GFPT2: variants seen among roughly 807,000 people sequenced by gnomAD.
GFPT2 encodes glutamine--fructose-6-phosphate aminotransferase [isomerizing] 2.
Under a neutral mutation model 85.6 loss-of-function variants are expected in GFPT2, and 62 were observed. The ratio of observed to expected loss-of-function variants is 0.72; its 90% CI spans 0.59 to 0.90. The LOEUF is 0.90. Ranked by LOEUF, GFPT2 falls within the 40% of genes least tolerant of loss-of-function variation. GFPT2 has a pLI of 0.00. For synonymous variants in GFPT2, 368 were observed against 344.5 expected (o/e 1.07, Z -0.75); for missense variants, 788 against 893.4 (o/e 0.88, Z 1.50).
intron 2 of GFPT2, among the ~76,000 whole-genome samples, chr5:180,337,629 A>G (rs762448947): frequency 1.3e-4 from 20 of 152,166 alleles, no homozygotes; most frequent in Non-Finnish European, 2.9e-4. Context: ...GAAGGGTCCC[A>G]AAGACTGATG....
intron 15 of GFPT2, among the ~76,000 whole-genome samples, chr5:180,308,235 A>G (rs192998832): frequency 1.6e-4 from 24 of 152,026 alleles, no homozygotes; most frequent in African/African-American, 3.4e-4. Flanking sequence ...CAGCCTGGGC[A>G]ACAGAGCGAG....
intron 9 of GFPT2, among the ~76,000 whole-genome samples, chr5:180,321,879 G>A (rs1764129482): frequency 6.6e-6 from 1 of 152,208 alleles, no homozygotes; most frequent in Non-Finnish European, 1.5e-5. Context: ...CGCCTCCCGG[G>A]TTCACGCCAT....
intron 1 of GFPT2, among the ~76,000 whole-genome samples, chr5:180,342,055 T>C (rs1412397392): frequency 6.6e-6 from 1 of 152,160 alleles, no homozygotes; most frequent in East Asian, 1.9e-4. Flanking sequence ...ATAAGTCTCA[T>C]GAGATCGGAT....
At chr5:180,322,471 A>T (rs963725197) in intron 9 of GFPT2, among the ~76,000 whole-genome samples, 2 of 152,108 alleles carry the variant, frequency 1.3e-5, no homozygotes, top group African/African-American at 4.8e-5. Flanking sequence ...TGTGGTGAAT[A>T]GTATTGCTTT....
chr5:180,336,334 G>C (rs561895506), intron 3 of GFPT2, 145 bp downstream of exon 3: 1 of 696,210 alleles, frequency 1.4e-6, no homozygotes, highest in Non-Finnish European at 2.6e-6. Context: ...TGCGAAGCCC[G>C]GTTTTACAGC....
intron 9 of GFPT2, among the ~76,000 whole-genome samples, chr5:180,322,894 G>T: frequency 6.6e-6 from 1 of 151,912 alleles, no homozygotes. Flanking sequence ...AAATTAGCCG[G>T]GCGTGGTGGC....
rs2127652125 is a variant in GFPT2, at chr5:180,323,798, G to T, written c.794+390C>A. On this transcript the variant is annotated intron_variant, in intron 9 of 18. Coordinates refer to ENST00000253778, the MANE Select transcript of GFPT2 (RefSeq NM_005110.4). The surrounding 1 kb of genome is among the most constrained non-coding windows in gnomAD (Gnocchi z 4.0). ...ATCTAAAGGGGGCAGCCTTTGAGCA[G>T]ATCCAGACACCTGCCACCTGAGAGA... Among the ~76,000 whole-genome samples the T allele has an allele frequency of 6.6e-6, 1 of 152,356 alleles. No individual in the cohort carries two copies. The highest frequency in any genetic ancestry group is 2.4e-5 in the African/African-American group (1 of 41,584).
chr5:180,350,731 C>CA lies in GFPT2; in HGVS notation c.7+2479dup, dbSNP rs1764696490. ...TCAGATGTCAATAAAACCAAAGTGT[C>CA]ATTTCAGCTAAATTCTCAGTGCACT... is the stretch of plus-strand genomic sequence containing the variant. On this transcript the variant is annotated intron_variant, in intron 1 of 18. Coordinates refer to ENST00000253778, the MANE Select transcript of GFPT2 (RefSeq NM_005110.4). 4.1e-4 allele frequency among the ~76,000 whole-genome samples: 62 copies of CA among 152,354 alleles called. No homozygotes were observed. The South Asian group carries it at 0.013, about 31-fold the overall frequency.
intron 17 of GFPT2, among the ~76,000 whole-genome samples, chr5:180,304,477 C>G (rs1218430099): frequency 6.6e-6 from 1 of 152,194 alleles, no homozygotes; most frequent in African/African-American, 2.4e-5. Context: ...CTGGGGAAAC[C>G]CTGCCCCAGG....
At chr5:180,337,638 T>TG (rs1027146665) in intron 2 of GFPT2, among the ~76,000 whole-genome samples, 4 of 152,050 alleles carry the variant, frequency 2.6e-5, no homozygotes, top group Non-Finnish European at 4.4e-5. Context: ...CAAAGACTGA[T>TG]GGGGGCTCCT....
chr5:180,308,192 C>G (rs571593951), intron 15 of GFPT2, among the ~76,000 whole-genome samples: 9 of 151,546 alleles, frequency 5.9e-5, no homozygotes, highest in African/African-American at 2.2e-4. Context: ...GGAGGCGGAG[C>G]TTGCAGTGAG....
chr5:180,338,662 G>A lies in GFPT2; in HGVS notation c.8-62C>T, dbSNP rs182519984. 183 of 987,830 alleles carry A rather than the reference G, an allele frequency of 1.9e-4. 1 individual carries two copies. In the East Asian group the frequency reaches 4.5e-3, roughly 24 times the overall value. The allele number at this position is 987,830 out of a possible 1,614,324, so 61.2% of individuals were successfully genotyped here. On this transcript the variant is annotated intron_variant, in intron 1 of 18. Coordinates refer to ENST00000253778, the MANE Select transcript of GFPT2 (RefSeq NM_005110.4). ...ACTCAGCTCGTGTTTGGAAGAAAAC[G>A]CTTCTGGGGGATGCACCGAGGTGGC...
At chr5:180,327,331 G>T (rs1008329751) in intron 7 of GFPT2, among the ~76,000 whole-genome samples, 18 of 152,218 alleles carry the variant, frequency 1.2e-4, no homozygotes, top group African/African-American at 4.3e-4. Flanking sequence ...GCAGGTGTCA[G>T]TAAACACACA....
chr5:180,312,463 G>C lies in GFPT2; in HGVS notation c.1513C>G (p.Gln505Glu). 6.2e-7 allele frequency: 1 copy of C among 1,606,338 alleles called. No homozygotes were observed. The highest frequency in any genetic ancestry group is 8.5e-7 in the Non-Finnish European group (1 of 1,172,874). The change falls in exon 15 of 19, where the codon CAA becomes GAA. Residue 505 changes from glutamine (Q) to glutamate (E), a missense_variant. Gln to Glu is a conservative substitution (Grantham distance 29). Transcript: ENST00000253778. Reference sequence around the variant, plus strand: ...GATCTCAAGCCACGGATGATCTCTTGCCTCCTGTTTTGTAGTGAAATTCGG... The same window carrying C: ...GATCTCAAGCCACGGATGATCTCTTCCCTCCTGTTTTGTAGTGAAATTCGG... ...EDRISLQNRR[Q>E]EIIRGLRSLP...
In GFPT2 at chr5:180,335,959, T is replaced by A. The variant is rs1389878914; in HGVS notation, c.215-6A>T. 1 of 1,560,258 alleles carries A rather than the reference T, an allele frequency of 6.4e-7. No homozygotes were observed. Among genetic ancestry groups the A allele is most frequent in the East Asian group, 2.4e-5 (1 of 41,870 alleles). On this transcript the variant is annotated splice_polypyrimidine_tract_variant and splice_region_variant and intron_variant, in intron 3 of 18. Coordinates refer to ENST00000253778, the MANE Select transcript of GFPT2 (RefSeq NM_005110.4). ...TAAGTCCATGCTGTCTTGTTCTAAA[T>A]GAAAGGAAAATCAGTTTGCCGCACT... is the stretch of plus-strand genomic sequence containing the variant.
intron 8 of GFPT2, 77 bp downstream of exon 8, chr5:180,324,739 G>A: frequency 2.1e-6 from 2 of 941,732 alleles, no homozygotes; most frequent in Non-Finnish European, 1.8e-6. Flanking sequence ...TCAGAGGGGA[G>A]CTGACTGTGC....
chr5:180,308,145 A>C (rs1373301946), intron 15 of GFPT2, among the ~76,000 whole-genome samples: 1 of 151,942 alleles, frequency 6.6e-6, no homozygotes, highest in Non-Finnish European at 1.5e-5. Flanking sequence ...AGTCCCAGCT[A>C]CTCGGGAGGC....
chr5:180,322,400 C>A (rs1353536237), intron 9 of GFPT2, among the ~76,000 whole-genome samples: 3 of 151,934 alleles, frequency 2.0e-5, no homozygotes, highest in Non-Finnish European at 2.9e-5. Context: ...CTGTAGACTT[C>A]TCCAAATATG....
chr5:180,316,586 C>G, intron 12 of GFPT2, 125 bp from the exon 13 acceptor site: 1 of 1,096,640 alleles, frequency 9.1e-7, no homozygotes, highest in Non-Finnish European at 1.4e-6. Flanking sequence ...GAGGGGACTT[C>G]GGTCACCCAC....
Sources: gnomAD v4.1 joint callset for allele counts (sites outside exome capture counted in the v4.1 genomes callset) on GRCh38, gnomAD v4.1.1 for gene constraint, Gnocchi (gnomAD v3.1) non-coding constraint, MANE v1.5 for transcripts, NCBI Gene and HGNC (gene_info 2026-07-23, HGNC 2026-07-21) for gene names.